KCNMB2: variants seen among roughly 807,000 people sequenced by gnomAD.
KCNMB2 encodes the protein calcium-activated potassium channel subunit beta-2.
In KCNMB2, 9 loss-of-function variants were observed where a neutral mutation model predicts 24.5. The observed-to-expected ratio is 0.37, with a 90% confidence interval of 0.22 to 0.64. The LOEUF is 0.64. KCNMB2 is among the 30% of genes least tolerant of loss of function. KCNMB2 has a pLI of 0.63. For synonymous variants in KCNMB2, 109 were observed against 104.4 expected (o/e 1.04, Z -0.27); for missense variants, 226 against 284.3 (o/e 0.79, Z 1.47).
At chr3:178,657,221 C>T (rs1042403643) in intron 1 of KCNMB2, among the ~76,000 whole-genome samples, 4 of 152,194 alleles carry the variant, frequency 2.6e-5, no homozygotes, top group African/African-American at 9.7e-5. Flanking sequence ...GGTCCTGCAC[C>T]ACACAGGATA....
chr3:178,804,811 A>C (rs1027773333), intron 1 of KCNMB2, among the ~76,000 whole-genome samples: 12 of 152,234 alleles, frequency 7.9e-5, no homozygotes, highest in Admixed American at 7.9e-4. Context: ...CCTGTGAAGG[A>C]ATGACTAAAG....
chr3:178,660,643 AT>A (rs35688930), intron 1 of KCNMB2, among the ~76,000 whole-genome samples: 20,984 of 152,142 alleles, frequency 0.14, 1,763 homozygotes, highest in Admixed American at 0.22. Flanking sequence ...ATAATCACTA[AT>A]CTTCCAAGGG....
At position 178,843,228 on chromosome 3, in the gene KCNMB2, G is replaced by A. The variant is rs930284603; in HGVS notation, c.*291G>A. The A allele has an allele frequency of 2.0e-5, 10 of 508,858 alleles. No homozygotes were observed. Among genetic ancestry groups the A allele is most frequent in the Non-Finnish European group, 3.8e-5 (10 of 261,894 alleles). The allele number at this position is 508,858 out of a possible 1,614,324, so 31.5% of individuals were successfully genotyped here. On this transcript the variant is annotated 3_prime_UTR_variant, in exon 5 of 5. Transcript: ENST00000452583. ...CAAAACAGGGCTCAGTTATTCATTT[G>A]CCAAGCTTCGTGGAGGAATGTAGGT...
intron 1 of KCNMB2, among the ~76,000 whole-genome samples, chr3:178,565,416 G>A (rs1045999138): frequency 2.0e-5 from 3 of 152,308 alleles, no homozygotes; most frequent in Non-Finnish European, 4.4e-5. Context: ...ACTGTCTAGA[G>A]TGGAAAATGA....
At chr3:178,565,229 T>C (rs540673016) in intron 1 of KCNMB2, among the ~76,000 whole-genome samples, 1 of 152,270 alleles carries the variant, frequency 6.6e-6, no homozygotes, top group African/African-American at 2.4e-5. Flanking sequence ...TGCTGTTCTG[T>C]ATTATTTAAA....
intron 2 of KCNMB2, among the ~76,000 whole-genome samples, chr3:178,811,659 A>G (rs967752359): frequency 6.6e-6 from 1 of 152,230 alleles, no homozygotes; most frequent in Non-Finnish European, 1.5e-5. Flanking sequence ...GTCATTGCCA[A>G]CAATGATGCT....
At chr3:178,713,065 C>A (rs1282788102) in intron 1 of KCNMB2, among the ~76,000 whole-genome samples, 1 of 152,140 alleles carries the variant, frequency 6.6e-6, no homozygotes, top group Non-Finnish European at 1.5e-5. Flanking sequence ...AGAGGAAGGG[C>A]CTGTTCAAAT....
At chr3:178,715,365 GTTT>G (rs768377401) in intron 1 of KCNMB2, among the ~76,000 whole-genome samples, 9 of 132,308 alleles carry the variant, frequency 6.8e-5, no homozygotes, top group African/African-American at 8.2e-5. Flanking sequence ...TTGTTTTTTG[GTTT>G]TTTTTTTTTT....
At position 178,705,839 on chromosome 3, in the gene KCNMB2, T is replaced by C. The variant is rs952520433; in HGVS notation, c.-67-101504T>C. ...GCCATCTCCTCCAGGAAACAGAATG[T>C]CAAATACCTTGGAGTCAGTGGTAGG... is the stretch of plus-strand genomic sequence containing the variant. On this transcript the variant is annotated intron_variant, in intron 1 of 4. Coordinates refer to ENST00000452583, the MANE Select transcript of KCNMB2 (RefSeq NM_181361.3). Among the ~76,000 whole-genome samples, 12 of 152,112 alleles carry C rather than the reference T, an allele frequency of 7.9e-5. 1 individual carries two copies. The highest frequency in any genetic ancestry group is 7.9e-4 in the Admixed American group (12 of 15,262).
intron 1 of KCNMB2, among the ~76,000 whole-genome samples, chr3:178,587,712 C>T (rs566071682): frequency 6.7e-6 from 1 of 149,820 alleles, no homozygotes; most frequent in African/African-American, 2.5e-5. Context: ...TCCCAAAGTG[C>T]TGGGATTACA....
At chr3:178,825,871 G>C in intron 3 of KCNMB2, 113 bp downstream of exon 3, 1 of 732,722 alleles carries the variant, frequency 1.4e-6, no homozygotes, top group Non-Finnish European at 2.3e-6. Context: ...TAAGAACTTT[G>C]AGAAGTTCCT....
At chr3:178,658,474 G>C (rs754763624) in intron 1 of KCNMB2, among the ~76,000 whole-genome samples, 1 of 152,172 alleles carries the variant, frequency 6.6e-6, no homozygotes, top group Non-Finnish European at 1.5e-5. Flanking sequence ...ATTTTACGCT[G>C]TCAGGAAAGC....
chr3:178,658,229 G>C (rs527545826), intron 1 of KCNMB2, among the ~76,000 whole-genome samples: 2 of 152,184 alleles, frequency 1.3e-5, no homozygotes, highest in Non-Finnish European at 1.5e-5. Context: ...TGAAACTTAA[G>C]ATCTTGTCAA....
At chr3:178,707,136 T>C (rs1722306479) in intron 1 of KCNMB2, among the ~76,000 whole-genome samples, 1 of 152,218 alleles carries the variant, frequency 6.6e-6, no homozygotes, top group South Asian at 2.1e-4. Context: ...TGATACTTAT[T>C]TTCAGGGTCA....
rs573005068 is a variant in KCNMB2 at position 178,838,828 on chromosome 3, A to G, written c.424-3825A>G. Among the ~76,000 whole-genome samples, 89 of 152,274 alleles carry G rather than the reference A, an allele frequency of 5.8e-4. No individual in the cohort carries two copies. The Middle Eastern group carries it at 0.01, about 17-fold the overall frequency. On this transcript the variant is annotated intron_variant, in intron 4 of 4. Transcript: ENST00000452583. ...TGTGCATTGCACAGAGGTACCAATCACATTGTAAAAGTCATATATGTGAAT... is the reference window on the plus strand; with the variant it reads ...TGTGCATTGCACAGAGGTACCAATCGCATTGTAAAAGTCATATATGTGAAT...
intron 1 of KCNMB2, among the ~76,000 whole-genome samples, chr3:178,565,226 C>A (rs1716475823): frequency 6.6e-6 from 1 of 152,092 alleles, no homozygotes; most frequent in African/African-American, 2.4e-5. Flanking sequence ...TTCTGCTGTT[C>A]TGTATTATTT....
chr3:178,774,280 C>T (rs1044870311), intron 1 of KCNMB2, among the ~76,000 whole-genome samples: 2 of 152,080 alleles, frequency 1.3e-5, no homozygotes, highest in Non-Finnish European at 2.9e-5. Flanking sequence ...CATGTCTACA[C>T]CTTTCTTTGG....
chr3:178,690,152 T>C (rs1560168197), intron 1 of KCNMB2, among the ~76,000 whole-genome samples: 1 of 152,234 alleles, frequency 6.6e-6, no homozygotes, highest in African/African-American at 2.4e-5. Context: ...AAATAACTTA[T>C]CCTTTGCCAA....
intron 1 of KCNMB2, among the ~76,000 whole-genome samples, chr3:178,632,323 C>T (rs1719350215): frequency 6.6e-6 from 1 of 152,130 alleles, no homozygotes. Flanking sequence ...GTGTATTAGT[C>T]CATTCTCACA....
Sources: allele counts gnomAD v4.1 joint callset (sites outside exome capture counted in the v4.1 genomes callset), GRCh38; gene constraint gnomAD v4.1.1; transcripts MANE v1.5; gene names NCBI Gene and HGNC (gene_info 2026-07-23, HGNC 2026-07-21).